The following DLGAP1 variants were observed in gnomAD, a reference collection of about 807,000 sequenced individuals.
DLGAP1 encodes disks large-associated protein 1.
A neutral mutation model predicts 90.8 loss-of-function variants in DLGAP1; 11 were observed. The observed-to-expected ratio is 0.12, with a 90% confidence interval of 0.08 to 0.20. The LOEUF is 0.20. Among genes scored for constraint, DLGAP1 ranks in the 10% least tolerant of loss-of-function variants. DLGAP1 has a pLI of 1.00. For synonymous variants in DLGAP1, 558 were observed against 540.7 expected (o/e 1.03, Z -0.44); for missense variants, 1,050 against 1,333.8 (o/e 0.79, Z 3.31).
intron 3 of DLGAP1, among the ~76,000 whole-genome samples, chr18:3,948,418 G>C (rs1227977814): frequency 6.6e-6 from 1 of 152,072 alleles, no homozygotes; most frequent in Non-Finnish European, 1.5e-5. Context: ...CCTGCTGTTA[G>C]GGTTTCACAG....
intron 1 of DLGAP1, among the ~76,000 whole-genome samples, chr18:4,428,923 G>C (rs2083217712): frequency 6.6e-6 from 1 of 152,178 alleles, no homozygotes; most frequent in African/African-American, 2.4e-5. Flanking sequence ...CAGATCCCAT[G>C]GGGGCAGAAA....
intron 2 of DLGAP1, among the ~76,000 whole-genome samples, chr18:4,052,457 C>A (rs1466170751): frequency 6.6e-6 from 1 of 152,128 alleles, no homozygotes; most frequent in Non-Finnish European, 1.5e-5. Flanking sequence ...AACTTGGCCC[C>A]TTATAGCCAT....
At chr18:3,533,019 C>T (rs565749538) in intron 10 of DLGAP1, among the ~76,000 whole-genome samples, 3 of 152,206 alleles carry the variant, frequency 2.0e-5, no homozygotes, top group East Asian at 1.9e-4. Flanking sequence ...AGGCTAGGCA[C>T]GGTGGCTCAT....
chr18:3,762,996 G>A (rs542773128), intron 5 of DLGAP1, among the ~76,000 whole-genome samples: 64 of 152,280 alleles, frequency 4.2e-4, no homozygotes, highest in Admixed American at 1.6e-3. Flanking sequence ...GGAAAGCTTT[G>A]GATTGCATGG....
intron 1 of DLGAP1, among the ~76,000 whole-genome samples, chr18:4,358,653 G>A (rs920650982): frequency 5.3e-5 from 8 of 152,180 alleles, no homozygotes; most frequent in African/African-American, 1.2e-4. Context: ...TCTTGTTCTC[G>A]TGCCTTTGAT....
chr18:3,607,109 A>T (rs976632585), intron 7 of DLGAP1: 1 of 152,238 alleles, frequency 6.6e-6, no homozygotes, highest in African/African-American at 2.4e-5. Context: ...CTGGGATTAG[A>T]GGCATGAGCC....
intron 7 of DLGAP1, among the ~76,000 whole-genome samples, chr18:3,624,161 G>C (rs2058205969): frequency 6.6e-6 from 1 of 152,302 alleles, no homozygotes; most frequent in African/African-American, 2.4e-5. Context: ...ATGACACAGA[G>C]CATGAGCCTG....
chr18:4,183,672 C>T (rs535426498), intron 1 of DLGAP1, among the ~76,000 whole-genome samples: 1 of 152,146 alleles, frequency 6.6e-6, no homozygotes, highest in East Asian at 1.9e-4. Context: ...AACCTTTCTG[C>T]TAGAAGCTAC....
chr18:3,962,023 C>G (rs558025676), intron 3 of DLGAP1, among the ~76,000 whole-genome samples: 79 of 152,252 alleles, frequency 5.2e-4, no homozygotes, highest in African/African-American at 1.9e-3. Context: ...ATGGGCAACA[C>G]TTTGATCTTT....
At chr18:3,699,525 G>C (rs1197166945) in intron 7 of DLGAP1, among the ~76,000 whole-genome samples, 2 of 152,160 alleles carry the variant, frequency 1.3e-5, no homozygotes, top group Non-Finnish European at 1.5e-5. Context: ...TCCCAGAGGG[G>C]CATCTGCCAG....
At chr18:4,059,570 G>A (rs570887494) in intron 2 of DLGAP1, among the ~76,000 whole-genome samples, 3 of 152,248 alleles carry the variant, frequency 2.0e-5, no homozygotes, top group East Asian at 1.9e-4. Context: ...AATTAGCTGG[G>A]TGTGGTGGTG....
chr18:3,900,833 CA>C (rs1357433843), intron 3 of DLGAP1, among the ~76,000 whole-genome samples: 1 of 152,062 alleles, frequency 6.6e-6, no homozygotes, highest in Non-Finnish European at 1.5e-5. Context: ...GTACTGATAA[CA>C]AAAAGGACAA....
intron 1 of DLGAP1, among the ~76,000 whole-genome samples, chr18:4,237,126 T>C (rs2078432837): frequency 6.6e-6 from 1 of 152,176 alleles, no homozygotes; most frequent in Non-Finnish European, 1.5e-5. Context: ...GGGAAATGAC[T>C]GTGTGTGCCT....
At chr18:3,850,401 A>T (rs1194283362) in intron 4 of DLGAP1, among the ~76,000 whole-genome samples, 1 of 152,100 alleles carries the variant, frequency 6.6e-6, no homozygotes, top group Non-Finnish European at 1.5e-5. Flanking sequence ...CAAAAAAAAA[A>T]TTAGCATGTG....
At chr18:3,608,331 A>AG in intron 7 of DLGAP1, 1 of 129,210 alleles carries the variant, frequency 7.7e-6, no homozygotes, top group East Asian at 2.1e-4. Context: ...CTCAAAAAAA[A>AG]AAAAAGATGA....
chr18:4,104,104 G>A (rs540296142), intron 2 of DLGAP1, among the ~76,000 whole-genome samples: 1 of 152,056 alleles, frequency 6.6e-6, no homozygotes, highest in South Asian at 2.1e-4. Flanking sequence ...GATAATTGCA[G>A]TCTTTTTCTA....
chr18:4,265,627 T>C (rs1255045627), intron 1 of DLGAP1, among the ~76,000 whole-genome samples: 87 of 36,160 alleles, frequency 2.4e-3, no homozygotes, highest in African/African-American at 0.017. Flanking sequence ...CTCCCTCCCC[T>C]TCCCTCCCTC....
intron 1 of DLGAP1, among the ~76,000 whole-genome samples, chr18:4,412,050 C>G (rs550180704): frequency 1.3e-5 from 2 of 152,184 alleles, no homozygotes; most frequent in South Asian, 4.1e-4. Flanking sequence ...TCTTGTAAGA[C>G]TAACTACTAC....
intron 5 of DLGAP1, among the ~76,000 whole-genome samples, chr18:3,782,525 A>T (rs2065248426): frequency 1.3e-5 from 2 of 152,220 alleles, no homozygotes; most frequent in Non-Finnish European, 2.9e-5. Context: ...ATGATGCATA[A>T]ATCAGAAGAA....
Sources: gnomAD v4.1 joint callset for allele counts (sites outside exome capture counted in the v4.1 genomes callset) on GRCh38, gnomAD v4.1.1 for gene constraint, MANE v1.5 for transcripts, NCBI Gene and HGNC (gene_info 2026-07-23, HGNC 2026-07-21) for gene names.